The following KIAA1217 variants were observed in gnomAD, a reference collection of about 807,000 sequenced individuals.
The protein encoded by KIAA1217 is sickle tail protein homolog.
In KIAA1217, 88 loss-of-function variants were observed where a neutral mutation model predicts 163.9. The observed-to-expected ratio is 0.54, with a 90% CI of 0.45 to 0.64. The LOEUF (loss-of-function observed/expected upper bound fraction) is 0.64, where lower values mean the gene tolerates loss of function less well. KIAA1217 is among the 30% of genes least tolerant of loss of function. The pLI, the probability that KIAA1217 is intolerant of heterozygous loss-of-function variation, is 0.00. For missense variants in KIAA1217, 2,372 were observed against 2,475.0 expected (o/e 0.96, Z 0.88); for synonymous variants, 903 against 923.1 (o/e 0.98, Z 0.39).
At chr10:24,381,092 A>C (rs1477968537) in intron 3 of KIAA1217, 25 bp downstream of exon 3, 1 of 1,496,494 alleles carries the variant, frequency 6.7e-7, no homozygotes, top group African/African-American at 1.4e-5. Flanking sequence ...GCAGTTTCTG[A>C]TGCCCCTTTC....
At chr10:23,790,330 T>C (rs745536323) in intron 1 of KIAA1217, among the ~76,000 whole-genome samples, 323 of 19,220 alleles carry the variant, frequency 0.017, 32 homozygotes, top group South Asian at 0.043. Context: ...CACATATGCA[T>C]ATATGCATAT....
intron 2 of KIAA1217, among the ~76,000 whole-genome samples, chr10:24,127,396 G>T (rs1283387047): frequency 6.6e-6 from 1 of 152,066 alleles, no homozygotes; most frequent in East Asian, 1.9e-4. Flanking sequence ...TTCTGAAATC[G>T]TGCAAATGTC....
intron 2 of KIAA1217, among the ~76,000 whole-genome samples, chr10:24,369,969 A>G (rs1323342825): frequency 1.3e-5 from 2 of 152,242 alleles, no homozygotes; most frequent in Admixed American, 6.5e-5. Flanking sequence ...ACTTGCAATA[A>G]AAAGACATCT....
At chr10:24,361,229 CG>C (rs2049952456) in intron 2 of KIAA1217, among the ~76,000 whole-genome samples, 1 of 152,052 alleles carries the variant, frequency 6.6e-6, no homozygotes, top group African/African-American at 2.4e-5. Flanking sequence ...ACTGTCACCC[CG>C]GGCTGGAGTG....
rs755922247 is a variant in KIAA1217 at position 23,893,712 on chromosome 10, TTGA to T, written c.-320-113509_-320-113507del. ...AAAAGAGAATTTTAGACCAATATCC[TTGA>T]TGAACATTGATGCAAAAATCCTCAA... On this transcript the variant is annotated intron_variant, in intron 1 of 18. Transcript: ENST00000376462. Among the ~76,000 whole-genome samples the T allele has an allele frequency of 3.0e-4, 46 of 151,898 alleles. 1 individual carries two copies. The highest frequency in any genetic ancestry group is 4.1e-4 in the Non-Finnish European group (28 of 67,952).
At chr10:24,097,609 A>G (rs1050640646) in intron 2 of KIAA1217, among the ~76,000 whole-genome samples, 12 of 152,184 alleles carry the variant, frequency 7.9e-5, no homozygotes, top group Non-Finnish European at 1.2e-4. Flanking sequence ...GAAATTTTTT[A>G]AATAGTAAGA....
intron 9 of KIAA1217, among the ~76,000 whole-genome samples, chr10:24,511,799 T>C (rs533348804): frequency 3.9e-5 from 6 of 152,330 alleles, no homozygotes; most frequent in Non-Finnish European, 7.3e-5. Flanking sequence ...TACATTTCTA[T>C]GTGGTTCCCT....
chr10:23,961,541 C>T (rs975405469), intron 1 of KIAA1217, among the ~76,000 whole-genome samples: 5 of 152,184 alleles, frequency 3.3e-5, no homozygotes, highest in African/African-American at 1.2e-4. Context: ...CATAGGTTGG[C>T]TGGCAAAAGC....
chr10:23,744,676 T>C (rs1839299029), intron 1 of KIAA1217, among the ~76,000 whole-genome samples: 1 of 152,186 alleles, frequency 6.6e-6, no homozygotes, highest in South Asian at 2.1e-4. Context: ...ATTAAAAGCA[T>C]TTACCCCGTG....
At chr10:24,342,850 G>T (rs1281205459) in intron 2 of KIAA1217, among the ~76,000 whole-genome samples, 1 of 151,786 alleles carries the variant, frequency 6.6e-6, no homozygotes, top group Admixed American at 6.6e-5. Flanking sequence ...TAGAGACAGG[G>T]TTTCACCATC....
At chr10:24,053,687 G>C (rs921824356) in intron 2 of KIAA1217, among the ~76,000 whole-genome samples, 48 of 152,146 alleles carry the variant, frequency 3.2e-4, no homozygotes, top group Non-Finnish European at 5.9e-5. Flanking sequence ...CTGGCATTGT[G>C]CTAAATACTG....
chr10:23,826,349 T>C (rs1209256921), intron 1 of KIAA1217, among the ~76,000 whole-genome samples: 1 of 152,194 alleles, frequency 6.6e-6, no homozygotes, highest in African/African-American at 2.4e-5. Flanking sequence ...AATGATACTT[T>C]ATTGTAGTTC....
chr10:24,432,360 C>T (rs1477907813), intron 3 of KIAA1217, among the ~76,000 whole-genome samples: 4 of 151,918 alleles, frequency 2.6e-5, no homozygotes, highest in Non-Finnish European at 4.4e-5. Flanking sequence ...TTAAGTGATT[C>T]GCCTGCCTCA....
Position 24,543,960 on chromosome 10 carries a change from G to A in KIAA1217, c.4690G>A (p.Asp1564Asn). The change falls in exon 19 of 21, where the codon GAC becomes AAC. Residue 1564 changes from aspartate to asparagine, a missense_variant. This residue lies in a region of KIAA1217 where 690 missense variants were observed against 677.5 expected (regional missense o/e 1.02). Coordinates refer to ENST00000376454, the MANE Select transcript of KIAA1217 (RefSeq NM_019590.5). ...ATGCAAGGGTGAGGACGCGACCGATGACCAGTTTGAAAGCCCCAAGAAAAA... is the reference window on the plus strand; with the variant it reads ...ATGCAAGGGTGAGGACGCGACCGATAACCAGTTTGAAAGCCCCAAGAAAAA... The part of the protein sequence containing the change: ...SECKGEDATD[D>N]QFESPKKKFK... 1 of 1,614,078 alleles carries A rather than the reference G, an allele frequency of 6.2e-7. No individual in the cohort carries two copies. The highest frequency in any genetic ancestry group is 1.3e-5 in the African/African-American group (1 of 75,006).
chr10:24,324,027 G>A (rs2044533291), intron 2 of KIAA1217, among the ~76,000 whole-genome samples: 1 of 152,114 alleles, frequency 6.6e-6, no homozygotes, highest in Admixed American at 6.6e-5. Flanking sequence ...AGCAATTTGG[G>A]AGGCCAAGGT....
At position 24,547,146 on chromosome 10, in the gene KIAA1217, T is replaced by G. The variant is rs944854626; in HGVS notation, c.*822T>G. Reference sequence around the variant, plus strand: ...ACCCCTTCTTTTGTTTTCTGAGACCTGGTAACCCACGCTCTTGCATTGTGG... The same window carrying G: ...ACCCCTTCTTTTGTTTTCTGAGACCGGGTAACCCACGCTCTTGCATTGTGG... On this transcript the variant is annotated 3_prime_UTR_variant, in exon 21 of 21. Coordinates refer to ENST00000376454, the MANE Select transcript of KIAA1217 (RefSeq NM_019590.5). The G allele has an allele frequency of 6.6e-6, 1 of 151,238 alleles. No individual in the cohort carries two copies. The highest frequency in any genetic ancestry group is 1.5e-5 in the Non-Finnish European group (1 of 67,796). 9.4% of individuals were successfully genotyped at this position (151,238 alleles called of 1,614,324 possible).
intron 1 of KIAA1217, among the ~76,000 whole-genome samples, chr10:23,919,714 T>A (rs1247888313): frequency 6.6e-6 from 1 of 151,962 alleles, no homozygotes; most frequent in Non-Finnish European, 1.5e-5. Flanking sequence ...CACTGTCTTA[T>A]GCTCTGGGAG....
At chr10:24,495,085 T>TTAAA in intron 7 of KIAA1217, 62 bp from the exon 8 acceptor site, 1 of 1,233,726 alleles carries the variant, frequency 8.1e-7, no homozygotes, top group South Asian at 1.4e-5. Flanking sequence ...GAATGGGCTT[T>TTAAA]AAAAAAAAAA....
At chr10:23,964,793 G>A (rs1844988224) in intron 1 of KIAA1217, among the ~76,000 whole-genome samples, 1 of 151,910 alleles carries the variant, frequency 6.6e-6, no homozygotes, top group Admixed American at 6.6e-5. Flanking sequence ...TTGACTTCGT[G>A]ATCTGCCTGC....
Sources: gnomAD v4.1 joint callset for allele counts (sites outside exome capture counted in the v4.1 genomes callset) on GRCh38, gnomAD v4.1.1 for gene constraint, gnomAD v4.1.1 regional missense constraint, MANE v1.5 for transcripts, NCBI Gene and HGNC (gene_info 2026-07-23, HGNC 2026-07-21) for gene names.